The following PIP5K1B variants were observed in gnomAD, a reference collection of about 807,000 sequenced individuals.
PIP5K1B encodes the protein phosphatidylinositol 4-phosphate 5-kinase type-1 beta.
Under a neutral mutation model 67.0 loss-of-function variants are expected in PIP5K1B, and 42 were observed. That is an observed-to-expected ratio of 0.63 (90% CI 0.49 to 0.81). PIP5K1B has a LOEUF of 0.81. PIP5K1B is among the 30% of genes least tolerant of loss of function. The pLI is 0.00. For missense variants in PIP5K1B, 459 were observed against 646.3 expected (o/e 0.71, Z 3.14); for synonymous variants, 214 against 231.4 (o/e 0.92, Z 0.68).
intron 2 of PIP5K1B, among the ~76,000 whole-genome samples, chr9:68,749,821 A>G (rs888778041): frequency 2.6e-5 from 4 of 152,126 alleles, no homozygotes; most frequent in African/African-American, 9.7e-5. Context: ...CCCTAGTTAC[A>G]ACAACCACAA....
intron 4 of PIP5K1B, among the ~76,000 whole-genome samples, chr9:68,833,791 T>C (rs1587525497): frequency 6.6e-6 from 1 of 152,208 alleles, no homozygotes; most frequent in East Asian, 1.9e-4. Context: ...AGGATTCTAA[T>C]TTGAGCACCT....
chr9:68,939,775 G>A (rs997100718), intron 13 of PIP5K1B, among the ~76,000 whole-genome samples: 10 of 152,098 alleles, frequency 6.6e-5, no homozygotes, highest in Non-Finnish European at 8.8e-5. Context: ...ACACTCATAC[G>A]AGAATCCCTG....
At chr9:69,001,208 G>C (rs1226734218) in intron 15 of PIP5K1B, among the ~76,000 whole-genome samples, 4 of 151,986 alleles carry the variant, frequency 2.6e-5, no homozygotes, top group Admixed American at 2.0e-4. Flanking sequence ...CACCCAGCCT[G>C]GGTGTGCAGC....
intron 12 of PIP5K1B, among the ~76,000 whole-genome samples, chr9:68,926,470 T>C (rs1341347232): frequency 1.3e-5 from 2 of 152,224 alleles, no homozygotes; most frequent in Admixed American, 6.5e-5. Context: ...TATTGAGATA[T>C]AATTAAGATG....
intron 14 of PIP5K1B, among the ~76,000 whole-genome samples, chr9:68,951,638 G>A (rs1389824840): frequency 6.6e-6 from 1 of 152,146 alleles, no homozygotes; most frequent in Non-Finnish European, 1.5e-5. Flanking sequence ...AAAGAATCAC[G>A]GAGCTTTGGA....
intron 2 of PIP5K1B, among the ~76,000 whole-genome samples, chr9:68,770,358 C>T (rs1397675366): frequency 6.6e-6 from 1 of 152,216 alleles, no homozygotes; most frequent in Non-Finnish European, 1.5e-5. Flanking sequence ...GGGCATGATT[C>T]TCTTCCTCTC....
chr9:68,813,785 G>C (rs1833288971), intron 2 of PIP5K1B, among the ~76,000 whole-genome samples: 1 of 152,248 alleles, frequency 6.6e-6, no homozygotes, highest in East Asian at 1.9e-4. Context: ...GGCAAGCCAA[G>C]GGACTCCAAG....
At chr9:68,769,952 C>T (rs1240020837) in intron 2 of PIP5K1B, among the ~76,000 whole-genome samples, 1 of 152,216 alleles carries the variant, frequency 6.6e-6, no homozygotes, top group African/African-American at 2.4e-5. Flanking sequence ...TTTCTTACCA[C>T]CTGCCTACGG....
chr9:68,858,123 G>A (rs1350745916), intron 4 of PIP5K1B, among the ~76,000 whole-genome samples: 4 of 151,908 alleles, frequency 2.6e-5, no homozygotes, highest in Admixed American at 2.6e-4. Flanking sequence ...ACAGGTATGC[G>A]CCACCATGCC....
At chr9:68,951,487 T>G (rs1021810488) in intron 14 of PIP5K1B, among the ~76,000 whole-genome samples, 1 of 152,224 alleles carries the variant, frequency 6.6e-6, no homozygotes, top group Non-Finnish European at 1.5e-5. Context: ...TGCTGCTTTC[T>G]GTGTGGTCAC....
At chr9:68,823,585 C>T (rs377711580) in intron 4 of PIP5K1B, among the ~76,000 whole-genome samples, 4 of 152,136 alleles carry the variant, frequency 2.6e-5, no homozygotes, top group Admixed American at 1.3e-4. Flanking sequence ...GATAAATTCT[C>T]GACTCCCAGC....
intron 1 of PIP5K1B, among the ~76,000 whole-genome samples, chr9:68,709,037 TAAG>T (rs1827259088): frequency 6.6e-6 from 1 of 152,202 alleles, no homozygotes; most frequent in African/African-American, 2.4e-5. Context: ...GTGGAATTCT[TAAG>T]AAGGTTCATA....
chr9:68,898,957 G>T (rs1228398602), intron 8 of PIP5K1B, among the ~76,000 whole-genome samples: 1 of 152,184 alleles, frequency 6.6e-6, no homozygotes, highest in Non-Finnish European at 1.5e-5. Context: ...TCTGGCCAAG[G>T]TTCCCCACTG....
chr9:68,951,127 C>G (rs572583420), intron 14 of PIP5K1B, among the ~76,000 whole-genome samples: 1 of 152,160 alleles, frequency 6.6e-6, no homozygotes, highest in Non-Finnish European at 1.5e-5. Flanking sequence ...CATTTAATAA[C>G]CTGTTTTCAA....
intron 2 of PIP5K1B, among the ~76,000 whole-genome samples, chr9:68,813,491 TG>T (rs960326622): frequency 6.6e-6 from 1 of 152,242 alleles, no homozygotes; most frequent in African/African-American, 2.4e-5. Flanking sequence ...AAGCAAGCAC[TG>T]GCACACAGTT....
At chr9:68,891,542 A>G (rs758632608) in intron 7 of PIP5K1B, among the ~76,000 whole-genome samples, 6 of 152,138 alleles carry the variant, frequency 3.9e-5, no homozygotes, top group Non-Finnish European at 5.9e-5. Context: ...GGAAAAATAC[A>G]AGAATCCTTT....
intron 2 of PIP5K1B, chr9:68,779,901 T>C (rs983895363): frequency 2.3e-5 from 10 of 437,792 alleles, no homozygotes; most frequent in Middle Eastern, 5.7e-4. Flanking sequence ...TTGCGCTCAA[T>C]AGCTATTTGC....
At chr9:68,852,932 T>G (rs1164171873) in intron 4 of PIP5K1B, among the ~76,000 whole-genome samples, 1 of 152,096 alleles carries the variant, frequency 6.6e-6, no homozygotes. Flanking sequence ...TTATAGGACT[T>G]GGTATTTGAG....
At chr9:68,926,900 C>T (rs572280691) in intron 12 of PIP5K1B, among the ~76,000 whole-genome samples, 10 of 152,018 alleles carry the variant, frequency 6.6e-5, no homozygotes, top group Non-Finnish European at 1.5e-4. Context: ...TTTTCATTAC[C>T]CCAAAAAGAA....
Sources: allele counts gnomAD v4.1 joint callset (sites outside exome capture counted in the v4.1 genomes callset), GRCh38; gene constraint gnomAD v4.1.1; transcripts MANE v1.5; gene names NCBI Gene and HGNC (gene_info 2026-07-23, HGNC 2026-07-21).